The following STT3B variants were observed in gnomAD, a reference collection of about 807,000 sequenced individuals.
STT3B encodes dolichyl-diphosphooligosaccharide--protein glycosyltransferase subunit STT3B.
A neutral mutation model predicts 96.8 loss-of-function variants in STT3B; 29 were observed. The observed-to-expected ratio is 0.30, with a 90% CI of 0.22 to 0.41. The LOEUF (loss-of-function observed/expected upper bound fraction) is 0.41. Among genes scored for constraint, STT3B ranks in the 10% least tolerant of loss-of-function variants. STT3B has a pLI of 1.00. For missense variants in STT3B, 640 were observed against 1,022.3 expected (o/e 0.63, Z 5.10); for synonymous variants, 367 against 360.0 (o/e 1.02, Z -0.22).
At chr3:31,614,903 C>CTTAGTAT (rs2125471708) in intron 5 of STT3B, among the ~76,000 whole-genome samples, 1 of 151,982 alleles carries the variant, frequency 6.6e-6, no homozygotes, top group East Asian at 1.9e-4. Flanking sequence ...AAATATAGTA[C>CTTAGTAT]TTAGTATTTT....
At chr3:31,602,185 C>T (rs889798546) in intron 5 of STT3B, among the ~76,000 whole-genome samples, 17 of 152,102 alleles carry the variant, frequency 1.1e-4, no homozygotes, top group African/African-American at 3.4e-4. Flanking sequence ...CTGTGTGCCT[C>T]TCGTTTAAAC....
At chr3:31,577,834 TATC>T (rs1417382474) in intron 2 of STT3B, among the ~76,000 whole-genome samples, 1 of 152,126 alleles carries the variant, frequency 6.6e-6, no homozygotes, top group Non-Finnish European at 1.5e-5. Flanking sequence ...GTGCTAATCT[TATC>T]ATATACCTAA....
intron 10 of STT3B, among the ~76,000 whole-genome samples, chr3:31,622,900 A>C (rs1699459121): frequency 6.6e-6 from 1 of 152,234 alleles, no homozygotes; most frequent in South Asian, 2.1e-4. Context: ...GTCTTGGATG[A>C]CATATTAAAC....
chr3:31,560,854 TG>T (rs1449655766), intron 1 of STT3B, among the ~76,000 whole-genome samples: 1 of 152,124 alleles, frequency 6.6e-6, no homozygotes, highest in Non-Finnish European at 1.5e-5. Context: ...TAAAATCTTT[TG>T]TTTTCTCTTC....
intron 4 of STT3B, among the ~76,000 whole-genome samples, chr3:31,597,158 ATTAT>A (rs891517789): frequency 1.3e-5 from 2 of 151,966 alleles, no homozygotes; most frequent in Admixed American, 6.6e-5. Flanking sequence ...GATTATATTC[ATTAT>A]TTATTTATTT....
chr3:31,553,589 T>C (rs928962312), intron 1 of STT3B, among the ~76,000 whole-genome samples: 8 of 152,306 alleles, frequency 5.3e-5, no homozygotes, highest in Admixed American at 3.9e-4. Context: ...GAAGTCAAAG[T>C]ATGCTTGGAA....
intron 14 of STT3B, 25 bp from the exon 15 acceptor site, chr3:31,632,910 C>A: frequency 6.2e-7 from 1 of 1,602,600 alleles, no homozygotes; most frequent in South Asian, 1.1e-5. Flanking sequence ...ATGGTTAACA[C>A]CCAATAATAA....
At chr3:31,613,764 G>C (rs1052613930) in intron 5 of STT3B, among the ~76,000 whole-genome samples, 1 of 151,792 alleles carries the variant, frequency 6.6e-6, no homozygotes, top group Non-Finnish European at 1.5e-5. Context: ...GACATTTCGG[G>C]TCATGTGACG....
In STT3B at chr3:31,600,432, C is replaced by A; in HGVS notation, c.850C>A (p.Gln284Lys). The change falls in exon 5 of 16, where the codon CAG becomes AAG. Residue 284 changes from glutamine to lysine, a missense_variant. This residue lies in a region of STT3B where 267 missense variants were observed against 388.3 expected (regional missense o/e 0.69). Transcript: ENST00000295770. Reference sequence around the variant, plus strand: ...GCATGTATTTGTGTTGTTACTGATGCAGAGATACAGCAAAAGAGTCTACAT... The same window carrying A: ...GCATGTATTTGTGTTGTTACTGATGAAGAGATACAGCAAAAGAGTCTACAT... ...PLHVFVLLLM[Q>K]RYSKRVYIAY... The A allele has an allele frequency of 6.3e-7, 1 of 1,581,862 alleles. No individual in the cohort carries two copies. Among genetic ancestry groups the A allele is most frequent in the Non-Finnish European group, 8.7e-7 (1 of 1,154,918 alleles).
intron 3 of STT3B, among the ~76,000 whole-genome samples, chr3:31,591,909 T>G (rs551006711): frequency 6.6e-6 from 1 of 152,258 alleles, no homozygotes; most frequent in African/African-American, 2.4e-5. Flanking sequence ...AAATCTGCTG[T>G]AATGGGATTT....
intron 1 of STT3B, among the ~76,000 whole-genome samples, chr3:31,561,531 T>C (rs1460610799): frequency 1.3e-5 from 2 of 152,150 alleles, no homozygotes; most frequent in Admixed American, 6.5e-5. Flanking sequence ...CTGGAATTTT[T>C]TTGTGTGTGC....
At chr3:31,564,006 A>C (rs1697941662) in intron 1 of STT3B, among the ~76,000 whole-genome samples, 1 of 152,158 alleles carries the variant, frequency 6.6e-6, no homozygotes, top group African/African-American at 2.4e-5. Context: ...TGTTGATGAA[A>C]GACTTCAGAG....
chr3:31,600,582 ATTT>A, intron 5 of STT3B, 123 bp downstream of exon 5: 1 of 457,332 alleles, frequency 2.2e-6, no homozygotes, highest in Non-Finnish European at 3.8e-6. Flanking sequence ...TTTTGTGTTC[ATTT>A]TGCTGTTTAT....
chr3:31,604,355 TA>T (rs1575436658), intron 5 of STT3B, among the ~76,000 whole-genome samples: 1 of 152,148 alleles, frequency 6.6e-6, no homozygotes. Flanking sequence ...GTCACATTTA[TA>T]CTTGGCAGCT....
chr3:31,616,587 A>T (rs1460966767), intron 6 of STT3B, among the ~76,000 whole-genome samples: 1 of 151,924 alleles, frequency 6.6e-6, no homozygotes, highest in African/African-American at 2.4e-5. Flanking sequence ...TGATTTTGAA[A>T]AATTACTTCC....
At chr3:31,561,049 A>C (rs764575840) in intron 1 of STT3B, among the ~76,000 whole-genome samples, 21 of 151,464 alleles carry the variant, frequency 1.4e-4, no homozygotes, top group Non-Finnish European at 2.2e-4. Flanking sequence ...TTTCATATAT[A>C]TTTTTTATTT....
chr3:31,583,371 A>T (rs949462454), intron 3 of STT3B, among the ~76,000 whole-genome samples: 1 of 152,046 alleles, frequency 6.6e-6, no homozygotes, highest in South Asian at 2.1e-4. Context: ...AGGTTTCACC[A>T]TGTTGCCCAG....
intron 1 of STT3B, among the ~76,000 whole-genome samples, chr3:31,572,522 T>C (rs1234170139): frequency 6.6e-6 from 1 of 152,154 alleles, no homozygotes; most frequent in Non-Finnish European, 1.5e-5. Flanking sequence ...TAATTGTTCT[T>C]ACTATTGACT....
intron 8 of STT3B, among the ~76,000 whole-genome samples, 159 bp downstream of exon 8, chr3:31,618,147 T>TTG (rs981087616): frequency 2.0e-4 from 30 of 152,240 alleles, no homozygotes; most frequent in African/African-American, 6.3e-4. Context: ...CTTTATCTTG[T>TTG]TATGATACCT....
Sources: gnomAD v4.1 joint callset for allele counts (sites outside exome capture counted in the v4.1 genomes callset) on GRCh38, gnomAD v4.1.1 for gene constraint, gnomAD v4.1.1 regional missense constraint, MANE v1.5 for transcripts, NCBI Gene and HGNC (gene_info 2026-07-23, HGNC 2026-07-21) for gene names.